The following KCNQ3 variants were observed in gnomAD, a reference collection of about 807,000 sequenced individuals.
The protein encoded by KCNQ3 is potassium voltage-gated channel subfamily KQT member 3.
A neutral mutation model predicts 92.5 loss-of-function variants in KCNQ3; 30 were observed. The ratio of observed to expected loss-of-function variants is 0.32; its 90% CI spans 0.24 to 0.44. The LOEUF is 0.44. Ranked by LOEUF, KCNQ3 falls within the 20% of genes least tolerant of loss-of-function variation. The pLI is 1.00. For synonymous variants in KCNQ3, 450 were observed against 468.8 expected (o/e 0.96, Z 0.52); for missense variants, 913 against 1,140.3 (o/e 0.80, Z 2.87).
intron 1 of KCNQ3, among the ~76,000 whole-genome samples, chr8:132,255,579 G>A (rs1450682482): frequency 3.9e-5 from 6 of 152,178 alleles, no homozygotes; most frequent in Non-Finnish European, 1.5e-5. Flanking sequence ...AGAGCCCTAA[G>A]CTCTCACCTT....
chr8:132,426,398 C>T (rs1232142887), intron 1 of KCNQ3, among the ~76,000 whole-genome samples: 2 of 152,340 alleles, frequency 1.3e-5, no homozygotes, highest in East Asian at 3.9e-4. Context: ...CCAATCAGAT[C>T]CTCTTGTGGG....
At chr8:132,455,427 G>T (rs1006464438) in intron 1 of KCNQ3, among the ~76,000 whole-genome samples, 1 of 152,130 alleles carries the variant, frequency 6.6e-6, no homozygotes, top group African/African-American at 2.4e-5. Context: ...TAAAGTTTAT[G>T]TTATACATAT....
intron 9 of KCNQ3, among the ~76,000 whole-genome samples, chr8:132,156,430 A>T (rs760240329): frequency 6.6e-6 from 1 of 151,982 alleles, no homozygotes; most frequent in African/African-American, 2.4e-5. Flanking sequence ...GGCTATGACT[A>T]CCTCCTAACT....
At chr8:132,255,173 C>A (rs1815544089) in intron 1 of KCNQ3, among the ~76,000 whole-genome samples, 1 of 151,794 alleles carries the variant, frequency 6.6e-6, no homozygotes, top group African/African-American at 2.4e-5. Flanking sequence ...TGAAAATAAG[C>A]AGCCTATAAG....
intron 5 of KCNQ3, 105 bp downstream of exon 5, chr8:132,175,348 G>A: frequency 7.7e-6 from 10 of 1,297,600 alleles, no homozygotes; most frequent in South Asian, 1.2e-5. Context: ...ACCTCTGACT[G>A]CAGAATGCAG....
Position 132,156,740 on chromosome 8 carries a change from G to A in KCNQ3, c.1262+6728C>T, listed in dbSNP as rs141752909. ...TTGCCCCACACAAACATGTAGTATC[G>A]CTAACCCAATACTTGGGAACATGAC... On this transcript the variant is annotated intron_variant, in intron 9 of 14. Transcript: ENST00000388996. Among the ~76,000 whole-genome samples the A allele has an allele frequency of 4.6e-5, 7 of 152,234 alleles. No homozygotes were observed. In the East Asian group the frequency reaches 7.7e-4, roughly 17 times the overall value.
intron 4 of KCNQ3, among the ~76,000 whole-genome samples, 170 bp from the exon 5 acceptor site, chr8:132,175,778 A>G (rs550979423): frequency 6.6e-6 from 1 of 152,184 alleles, no homozygotes; most frequent in Non-Finnish European, 1.5e-5. Flanking sequence ...GGGATCATTA[A>G]CATGGTAGTT....
chr8:132,137,241 A>G (rs1563766654), intron 12 of KCNQ3, among the ~76,000 whole-genome samples: 2 of 152,138 alleles, frequency 1.3e-5, no homozygotes, highest in Admixed American at 6.5e-5. Context: ...AATTAAGGAA[A>G]TATGGTGTAT....
chr8:132,318,712 C>T lies in KCNQ3; in HGVS notation c.387-132531G>A, dbSNP rs139655342. ...TCCTGAAAAGGAGTTACCATCATAC[C>T]AAAATGCTAAAAGGAAGGGAACGGA... On this transcript the variant is annotated intron_variant, in intron 1 of 14. Coordinates refer to ENST00000388996, the MANE Select transcript of KCNQ3 (RefSeq NM_004519.4). Among the ~76,000 whole-genome samples the T allele has an allele frequency of 4.8e-3, 727 of 152,024 alleles. 5 individuals are homozygous for T. The highest frequency in any genetic ancestry group is 0.017 in the African/African-American group (705 of 41,530).
chr8:132,179,104 T>TCTG (rs947718885), intron 4 of KCNQ3, among the ~76,000 whole-genome samples: 2 of 150,684 alleles, frequency 1.3e-5, no homozygotes, highest in African/African-American at 4.9e-5. Context: ...GGATTTTTTT[T>TCTG]CTGCCTGAGC....
chr8:132,337,068 T>C (rs571223588), intron 1 of KCNQ3, among the ~76,000 whole-genome samples: 2 of 152,366 alleles, frequency 1.3e-5, no homozygotes, highest in South Asian at 4.1e-4. Context: ...CACCTTTGTC[T>C]AATTTGTATA....
intron 1 of KCNQ3, among the ~76,000 whole-genome samples, chr8:132,444,812 G>C (rs1018301751): frequency 1.3e-5 from 2 of 152,172 alleles, no homozygotes; most frequent in Non-Finnish European, 2.9e-5. Flanking sequence ...ACATCAATCA[G>C]CATCTCCAAG....
chr8:132,215,407 G>A lies in KCNQ3; in HGVS notation c.387-29226C>T, dbSNP rs1563808346. On this transcript the variant is annotated intron_variant, in intron 1 of 14. Transcript: ENST00000388996. Reference sequence around the variant, plus strand: ...CACAGGGACAACAGCAACATAATATGTAAGGGCAGTGCCATAATTCACAGT... The same window carrying A: ...CACAGGGACAACAGCAACATAATATATAAGGGCAGTGCCATAATTCACAGT... Among the ~76,000 whole-genome samples, 5 of 152,204 alleles carry A rather than the reference G, an allele frequency of 3.3e-5. No homozygotes were observed. In the South Asian group the frequency reaches 6.2e-4, roughly 19 times the overall value.
At chr8:132,408,702 C>G (rs935366086) in intron 1 of KCNQ3, among the ~76,000 whole-genome samples, 12 of 152,150 alleles carry the variant, frequency 7.9e-5, no homozygotes, top group Non-Finnish European at 2.9e-5. Context: ...ATCTAGTGAG[C>G]CATAAAAGAG....
chr8:132,209,529 C>CCA (rs1209259957), intron 1 of KCNQ3, among the ~76,000 whole-genome samples: 19 of 112,728 alleles, frequency 1.7e-4, no homozygotes, highest in Admixed American at 1.3e-3. Context: ...GTAATTCACA[C>CCA]CACACACACA....
At chr8:132,327,626 C>T (rs1818097742) in intron 1 of KCNQ3, among the ~76,000 whole-genome samples, 1 of 152,122 alleles carries the variant, frequency 6.6e-6, no homozygotes, top group African/African-American at 2.4e-5. Flanking sequence ...CCCTGCTGTC[C>T]CACAACTGAG....
rs563760993 is a variant in KCNQ3 at position 132,245,283 on chromosome 8, C to A, written c.387-59102G>T. 2.0e-5 allele frequency among the ~76,000 whole-genome samples: 3 copies of A among 152,230 alleles called. No individual in the cohort carries two copies. The South Asian group carries it at 6.2e-4, about 32-fold the overall frequency. ...TTGGAAGGATCTGACTTGTACCTAC[C>A]TTTTGCACATCATCCCCTGCAGTTT... On this transcript the variant is annotated intron_variant, in intron 1 of 14. Coordinates refer to ENST00000388996, the MANE Select transcript of KCNQ3 (RefSeq NM_004519.4).
chr8:132,283,410 T>C (rs749534908), intron 1 of KCNQ3, among the ~76,000 whole-genome samples: 1 of 152,264 alleles, frequency 6.6e-6, no homozygotes, highest in Non-Finnish European at 1.5e-5. Context: ...TATATTTTCC[T>C]GTATTTCTCT....
At chr8:132,424,592 T>G (rs1427216799) in intron 1 of KCNQ3, among the ~76,000 whole-genome samples, 1 of 152,222 alleles carries the variant, frequency 6.6e-6, no homozygotes, top group South Asian at 2.1e-4. Flanking sequence ...TGGTATTCAT[T>G]TCCTGGGGTT....
Sources: allele counts gnomAD v4.1 joint callset (sites outside exome capture counted in the v4.1 genomes callset), GRCh38; gene constraint gnomAD v4.1.1; transcripts MANE v1.5; gene names NCBI Gene and HGNC (gene_info 2026-07-23, HGNC 2026-07-21).